The following MSRA variants were observed in gnomAD, a reference collection of about 807,000 sequenced individuals.
The protein encoded by MSRA is methionine sulfoxide reductase A.
In MSRA, 54 loss-of-function variants were observed where a neutral mutation model predicts 31.3. The observed-to-expected ratio is 1.73, with a 90% CI of 1.39 to 2.17. The LOEUF (loss-of-function observed/expected upper bound fraction) is 2.17. MSRA is among the 30% of genes most tolerant of loss of function. The probability of loss-of-function intolerance (pLI) is 0.00; values close to 1 mark genes in which losing one functional copy is unlikely to be tolerated. For missense variants in MSRA, 507 were observed against 300.9 expected, an observed-to-expected ratio of 1.69 and a Z score of -5.07; for synonymous variants, 169 against 116.5, an observed-to-expected ratio of 1.45 and a Z score of -2.90.
intron 5 of MSRA, among the ~76,000 whole-genome samples, chr8:10,376,719 G>C (rs529021193): frequency 6.6e-6 from 1 of 152,240 alleles, no homozygotes; most frequent in East Asian, 1.9e-4. Context: ...TCAACTCTTA[G>C]AACTACCAGT....
chr8:10,126,677 T>C (rs1242162247), intron 1 of MSRA, among the ~76,000 whole-genome samples: 1 of 152,158 alleles, frequency 6.6e-6, no homozygotes, highest in Non-Finnish European at 1.5e-5. Context: ...CATGCCTGGC[T>C]AATTTTTGTA....
At chr8:10,365,162 A>G (rs1327852821) in intron 5 of MSRA, among the ~76,000 whole-genome samples, 2 of 151,634 alleles carry the variant, frequency 1.3e-5, no homozygotes, top group Non-Finnish European at 2.9e-5. Flanking sequence ...AAAAAAAAAA[A>G]AAGTCGAGAC....
intron 4 of MSRA, among the ~76,000 whole-genome samples, chr8:10,310,504 T>A (rs1001008457): frequency 2.0e-5 from 3 of 152,246 alleles, no homozygotes; most frequent in Admixed American, 1.3e-4. Context: ...CATTTTTCCT[T>A]TGCCTTTCTA....
intron 1 of MSRA, among the ~76,000 whole-genome samples, chr8:10,135,790 G>T (rs972048663): frequency 1.3e-5 from 2 of 152,184 alleles, no homozygotes; most frequent in Non-Finnish European, 2.9e-5. Flanking sequence ...ACGCAAACTG[G>T]CAGACGCAGT....
chr8:10,104,551 A>T (rs754792810), intron 1 of MSRA, among the ~76,000 whole-genome samples: 43 of 152,204 alleles, frequency 2.8e-4, no homozygotes, highest in Non-Finnish European at 5.7e-4. Context: ...ACTGGTTGAA[A>T]GAATTATCCT....
intron 1 of MSRA, among the ~76,000 whole-genome samples, chr8:10,178,871 G>A (rs1156656021): frequency 6.6e-6 from 1 of 152,176 alleles, no homozygotes; most frequent in Non-Finnish European, 1.5e-5. Flanking sequence ...GATGGCACCA[G>A]AATCTCAGAC....
intron 2 of MSRA, among the ~76,000 whole-genome samples, chr8:10,227,204 G>C (rs949580089): frequency 9.9e-5 from 15 of 152,172 alleles, no homozygotes; most frequent in African/African-American, 2.9e-4. Context: ...GACGAGGCCC[G>C]TGGAGTTACC....
chr8:10,298,467 G>T (rs570621978), intron 3 of MSRA, among the ~76,000 whole-genome samples: 1 of 152,206 alleles, frequency 6.6e-6, no homozygotes, highest in African/African-American at 2.4e-5. Flanking sequence ...AGGGCCCAGT[G>T]GGAGCGGGCA....
At chr8:10,074,201 T>A (rs897014384) in intron 1 of MSRA, among the ~76,000 whole-genome samples, 3 of 150,236 alleles carry the variant, frequency 2.0e-5, no homozygotes, top group African/African-American at 7.4e-5. Context: ...TCCTGCCTTA[T>A]CCTCCCGAGT....
At chr8:10,089,318 A>T (rs1798742256) in intron 1 of MSRA, among the ~76,000 whole-genome samples, 1 of 152,120 alleles carries the variant, frequency 6.6e-6, no homozygotes, top group Non-Finnish European at 1.5e-5. Flanking sequence ...AAAAGAACAA[A>T]CCTAACAATT....
chr8:10,150,520 C>G (rs2129036348), intron 1 of MSRA, among the ~76,000 whole-genome samples: 1 of 152,236 alleles, frequency 6.6e-6, no homozygotes, highest in East Asian at 1.9e-4. Flanking sequence ...ACCATGTAAT[C>G]AACGGCTTAC....
intron 5 of MSRA, among the ~76,000 whole-genome samples, chr8:10,371,957 G>A (rs1267038500): frequency 6.6e-6 from 1 of 151,926 alleles, no homozygotes; most frequent in Non-Finnish European, 1.5e-5. Flanking sequence ...GTGTAGGGAA[G>A]GAGAAGTCTT....
At chr8:10,067,124 C>T (rs924601851) in intron 1 of MSRA, among the ~76,000 whole-genome samples, 1 of 152,172 alleles carries the variant, frequency 6.6e-6, no homozygotes, top group South Asian at 2.1e-4. Context: ...AGTATCAGAA[C>T]AGAATGCCTT....
intron 5 of MSRA, among the ~76,000 whole-genome samples, chr8:10,338,506 A>G (rs77824703): frequency 0.018 from 2,758 of 152,316 alleles, 78 homozygotes; most frequent in African/African-American, 0.062. Flanking sequence ...TCACCATAAA[A>G]AAACAATAGG....
At chr8:10,182,426 C>T (rs538608670) in intron 1 of MSRA, among the ~76,000 whole-genome samples, 1 of 152,270 alleles carries the variant, frequency 6.6e-6, no homozygotes, top group African/African-American at 2.4e-5. Context: ...CAGCTGGGTC[C>T]TCTACTTCAG....
intron 5 of MSRA, among the ~76,000 whole-genome samples, chr8:10,391,141 C>T (rs1265112749): frequency 2.0e-5 from 3 of 152,174 alleles, no homozygotes; most frequent in Non-Finnish European, 4.4e-5. Flanking sequence ...TGGAAGAACA[C>T]TTTTATAGAA....
chr8:10,103,294 T>A (rs1291745959), intron 1 of MSRA, among the ~76,000 whole-genome samples: 3 of 152,224 alleles, frequency 2.0e-5, no homozygotes, highest in African/African-American at 7.2e-5. Flanking sequence ...TAAAGTATTC[T>A]GTTTCATTTG....
intron 1 of MSRA, among the ~76,000 whole-genome samples, chr8:10,204,453 G>A (rs752960631): frequency 2.6e-5 from 4 of 151,904 alleles, no homozygotes; most frequent in South Asian, 2.1e-4. Flanking sequence ...TATTTTTACC[G>A]TACCTTTTCT....
intron 5 of MSRA, among the ~76,000 whole-genome samples, chr8:10,334,188 A>G (rs1438791873): frequency 7.3e-6 from 1 of 136,902 alleles, no homozygotes; most frequent in Non-Finnish European, 1.7e-5. Flanking sequence ...GTGTGTATTT[A>G]TGTGTGTGTG....
Sources: gnomAD v4.1 joint callset for allele counts (sites outside exome capture counted in the v4.1 genomes callset) on GRCh38, gnomAD v4.1.1 for gene constraint, MANE v1.5 for transcripts, NCBI Gene and HGNC (gene_info 2026-07-23, HGNC 2026-07-21) for gene names.